The following IQCM variants were observed in gnomAD, a reference collection of about 807,000 sequenced individuals.
The protein encoded by IQCM is IQ motif containing M.
IQCM carries 45 observed loss-of-function variants against 57.6 expected under a neutral mutation model. That is an observed-to-expected ratio of 0.78 (90% CI 0.62 to 1.00). The LOEUF (loss-of-function observed/expected upper bound fraction) is 1.00, where lower values mean the gene tolerates loss of function less well. IQCM is among the 50% of genes least tolerant of loss of function. IQCM has a pLI of 0.00. For missense variants in IQCM, 468 were observed against 511.6 expected, an observed-to-expected ratio of 0.91 and a Z score of 0.82; for synonymous variants, 148 against 158.9, an observed-to-expected ratio of 0.93 and a Z score of 0.51.
At chr4:149,481,536 T>C (rs1740770642) in intron 12 of IQCM, among the ~76,000 whole-genome samples, 1 of 151,760 alleles carries the variant, frequency 6.6e-6, no homozygotes, top group Non-Finnish European at 1.5e-5. Flanking sequence ...TGTATGTTCT[T>C]GGCTTGTCAA....
intron 3 of IQCM, among the ~76,000 whole-genome samples, chr4:149,741,027 C>T (rs370007067): frequency 1.3e-5 from 2 of 152,104 alleles, no homozygotes; most frequent in East Asian, 1.9e-4. Flanking sequence ...AATTTCATTA[C>T]ATGTAAGTGA....
chr4:149,650,369 G>T (rs908799884), intron 7 of IQCM, among the ~76,000 whole-genome samples: 2 of 151,022 alleles, frequency 1.3e-5, no homozygotes, highest in African/African-American at 4.9e-5. Context: ...AGGCAACATG[G>T]CCCTTCCAAC....
chr4:149,738,070 C>A (rs1767107353), intron 3 of IQCM, among the ~76,000 whole-genome samples: 1 of 152,084 alleles, frequency 6.6e-6, no homozygotes, highest in Non-Finnish European at 1.5e-5. Context: ...CAGACAAGAC[C>A]TTAGAGATGT....
intron 2 of IQCM, among the ~76,000 whole-genome samples, chr4:149,781,014 C>T (rs898001321): frequency 2.6e-5 from 4 of 151,818 alleles, no homozygotes; most frequent in African/African-American, 9.7e-5. Context: ...AAGACATAAG[C>T]CTCTAAGAGT....
At chr4:149,622,279 A>G (rs1483362950) in intron 7 of IQCM, among the ~76,000 whole-genome samples, 1 of 151,994 alleles carries the variant, frequency 6.6e-6, no homozygotes, top group African/African-American at 2.4e-5. Flanking sequence ...AAAAGGCAAA[A>G]TCTCTAGAAG....
rs1272546551 is a variant in IQCM, at chr4:149,636,551, G to A, written c.566-15307C>T. Reference sequence around the variant, plus strand: ...CCAATCCAAACACTGCATAAATGCTGCTGAGAAGGACCAGAAAAGCCACAC... The same window carrying A: ...CCAATCCAAACACTGCATAAATGCTACTGAGAAGGACCAGAAAAGCCACAC... On this transcript the variant is annotated intron_variant, in intron 7 of 13. Transcript: ENST00000636793. 2.0e-5 allele frequency among the ~76,000 whole-genome samples: 3 copies of A among 152,150 alleles called. No homozygotes were observed. The East Asian group carries it at 5.8e-4, about 29-fold the overall frequency.
intron 8 of IQCM, among the ~76,000 whole-genome samples, chr4:149,613,721 C>T (rs966497869): frequency 6.6e-6 from 1 of 152,016 alleles, no homozygotes; most frequent in African/African-American, 2.4e-5. Flanking sequence ...TCTCCCCGCT[C>T]CCCCCACCCC....
intron 12 of IQCM, among the ~76,000 whole-genome samples, chr4:149,463,419 A>G (rs1738518301): frequency 6.6e-6 from 1 of 152,192 alleles, no homozygotes; most frequent in Non-Finnish European, 1.5e-5. Flanking sequence ...CCTGAAACTC[A>G]TCTATTTTTA....
At chr4:149,648,748 T>C (rs946761300) in intron 7 of IQCM, among the ~76,000 whole-genome samples, 2 of 151,760 alleles carry the variant, frequency 1.3e-5, no homozygotes, top group Non-Finnish European at 2.9e-5. Context: ...GGGCCTGTTG[T>C]GGGGTGGGGG....
chr4:149,545,352 C>A (rs764121923), intron 12 of IQCM, among the ~76,000 whole-genome samples: 20 of 151,956 alleles, frequency 1.3e-4, no homozygotes, highest in Non-Finnish European at 1.6e-4. Flanking sequence ...AAAGATACAA[C>A]TTAATAGCAA....
At chr4:149,586,956 C>A (rs1330118930) in intron 9 of IQCM, among the ~76,000 whole-genome samples, 1 of 151,616 alleles carries the variant, frequency 6.6e-6, no homozygotes, top group Admixed American at 6.6e-5. Context: ...TTAGGATGTA[C>A]TTTCTTGAAG....
At chr4:149,361,825 A>C (rs140264630) in intron 13 of IQCM, among the ~76,000 whole-genome samples, 1 of 152,280 alleles carries the variant, frequency 6.6e-6, no homozygotes, top group East Asian at 1.9e-4. Flanking sequence ...ACTGGGGCAC[A>C]GGAGAGCTGT....
chr4:149,447,101 A>C (rs1056738454), intron 12 of IQCM, among the ~76,000 whole-genome samples: 3 of 151,614 alleles, frequency 2.0e-5, no homozygotes, highest in Non-Finnish European at 4.4e-5. Context: ...ATTATTTCTC[A>C]TGTAACACAG....
intron 3 of IQCM, among the ~76,000 whole-genome samples, chr4:149,741,493 G>A (rs1177257876): frequency 6.6e-6 from 1 of 152,078 alleles, no homozygotes; most frequent in Non-Finnish European, 1.5e-5. Context: ...CCACTTCCTG[G>A]ATCTTCCACC....
intron 12 of IQCM, among the ~76,000 whole-genome samples, chr4:149,521,863 A>G (rs368320563): frequency 1.3e-5 from 2 of 152,304 alleles, no homozygotes; most frequent in African/African-American, 4.8e-5. Flanking sequence ...CCTGGAGAGC[A>G]TGAGTAAATC....
intron 12 of IQCM, among the ~76,000 whole-genome samples, chr4:149,465,391 G>T (rs1738748510): frequency 6.6e-6 from 1 of 152,140 alleles, no homozygotes. Flanking sequence ...GATATTAGGA[G>T]CCAAGGGACA....
intron 2 of IQCM, among the ~76,000 whole-genome samples, chr4:149,802,536 C>G (rs1773696634): frequency 6.6e-6 from 1 of 151,888 alleles, no homozygotes; most frequent in South Asian, 2.1e-4. Flanking sequence ...ACTTTTTGCT[C>G]CCTTTGCCCT....
At chr4:149,535,445 A>G (rs1747194376) in intron 12 of IQCM, among the ~76,000 whole-genome samples, 1 of 152,008 alleles carries the variant, frequency 6.6e-6, no homozygotes, top group Non-Finnish European at 1.5e-5. Context: ...AAGACTTGCT[A>G]GTGGCTCTCC....
At chr4:149,363,056 G>A (rs535307424) in intron 13 of IQCM, among the ~76,000 whole-genome samples, 26 of 152,182 alleles carry the variant, frequency 1.7e-4, no homozygotes, top group Non-Finnish European at 3.2e-4. Flanking sequence ...TTTGTGAGAG[G>A]AAGTCCCCAG....
Sources: allele counts gnomAD v4.1 joint callset (sites outside exome capture counted in the v4.1 genomes callset), GRCh38; gene constraint gnomAD v4.1.1; transcripts MANE v1.5; gene names NCBI Gene and HGNC (gene_info 2026-07-23, HGNC 2026-07-21).